Variants in WEE1 observed in about 807,000 individuals in gnomAD.
WEE1 encodes WEE1 G2 checkpoint kinase, also known as wee1-like protein kinase.
In WEE1, 16 loss-of-function variants were observed where a neutral mutation model predicts 68.8. The observed-to-expected ratio is 0.23, with a 90% CI of 0.16 to 0.35. WEE1 has a LOEUF of 0.35. Among genes scored for constraint, WEE1 ranks in the 10% least tolerant of loss-of-function variants. The pLI is 1.00. For synonymous variants in WEE1, 349 were observed against 318.7 expected (o/e 1.09, Z -1.01); for missense variants, 651 against 824.1 (o/e 0.79, Z 2.57).
At chr11:9,575,072 C>G in intron 1 of WEE1, 1 of 985,524 alleles carries the variant, frequency 1.0e-6, no homozygotes, top group Non-Finnish European at 1.2e-6. Context: ...CATTTACAGT[C>G]CTACAGACTC....
chr11:9,575,207 G>T (rs556642641), intron 1 of WEE1: 25 of 985,590 alleles, frequency 2.5e-5, no homozygotes, highest in Non-Finnish European at 2.9e-5. Context: ...ACATCCTACC[G>T]TAGATAAGGT....
At chr11:9,582,369 A>G (rs969174629) in intron 6 of WEE1, among the ~76,000 whole-genome samples, 1 of 152,036 alleles carries the variant, frequency 6.6e-6, no homozygotes, top group African/African-American at 2.4e-5. Context: ...TTTTTCTCCT[A>G]TATTTCCTAT....
Position 9,586,514 on chromosome 11 carries a change from T to C in WEE1, c.1536T>C (p.Gly512=). 1 of 1,614,146 alleles carries C rather than the reference T, an allele frequency of 6.2e-7. No homozygotes were observed. Among genetic ancestry groups the C allele is most frequent in the Non-Finnish European group, 8.5e-7 (1 of 1,180,002 alleles). Residue 512 remains glycine, a synonymous_variant, in exon 9 of 11, where the codon GGT becomes GGC. Coordinates refer to ENST00000450114, the MANE Select transcript of WEE1 (RefSeq NM_003390.4). ...ALALTVVCAA[G]AEPLPRNGDQ... ...CCCTCACAGTGGTATGTGCTGCTGG[T>C]GCTGAACCTCTTCCGAGAAATGGAG...
chr11:9,587,404 G>C, intron 10 of WEE1, among the ~76,000 whole-genome samples: 1 of 152,168 alleles, frequency 6.6e-6, no homozygotes, highest in Non-Finnish European at 1.5e-5. Context: ...TTTGCAAGTG[G>C]TGATAGTCCC....
intron 5 of WEE1, 66 bp downstream of exon 5, chr11:9,577,329 T>G: frequency 5.8e-6 from 9 of 1,553,858 alleles, no homozygotes; most frequent in Non-Finnish European, 7.9e-6. Context: ...TTTATGGTTA[T>G]CTAAAATCTT....
chr11:9,585,649 C>T (rs1330586489), intron 8 of WEE1, 122 bp downstream of exon 8: 6 of 839,674 alleles, frequency 7.1e-6, no homozygotes, highest in Non-Finnish European at 6.9e-6. Flanking sequence ...AAATCTAAAC[C>T]GTCATCTGAG....
chr11:9,586,373 A>G (rs1056972884), intron 8 of WEE1, 76 bp from the exon 9 acceptor site: 4 of 1,365,096 alleles, frequency 2.9e-6, no homozygotes, highest in Non-Finnish European at 4.0e-6. Flanking sequence ...TTTTCACCTA[A>G]GTCATCTTTG....
rs1296694734 is a variant in WEE1, at chr11:9,574,080, C to G, written c.147C>G (p.Thr49=). 2 of 1,235,552 alleles carry G rather than the reference C, an allele frequency of 1.6e-6. No homozygotes were observed. The highest frequency in any genetic ancestry group is 2.0e-6 in the Non-Finnish European group (2 of 988,470). 76.5% of individuals were successfully genotyped at this position (1,235,552 alleles called of 1,614,324 possible). ...EEEEEGSGHS[T]GEDSAFQEPD... is the part of the protein sequence containing the mutation. ...AGGAGGAGGGCAGCGGCCACAGCAC[C>G]GGGGAGGACTCGGCCTTTCAAGAGC... The change falls in exon 1 of 11, where the codon ACC becomes ACG. Residue 49 remains threonine, a synonymous_variant. Transcript: ENST00000450114. This position sits in a 1 kb window ranked among gnomAD's most constrained non-coding sequence, Gnocchi z 4.9.
At chr11:9,586,687 C>G (rs763368668) in intron 9 of WEE1, 24 bp from the exon 10 acceptor site, 4 of 1,610,556 alleles carry the variant, frequency 2.5e-6, no homozygotes, top group Non-Finnish European at 3.4e-6. Context: ...ATGTCTTTAC[C>G]TTCATTTTAC....
chr11:9,579,807 T>G (rs945618968), intron 5 of WEE1: 3 of 152,242 alleles, frequency 2.0e-5, no homozygotes, highest in Non-Finnish European at 4.4e-5. Flanking sequence ...AAGACTAAGA[T>G]ACCGAGATGT....
chr11:9,577,126 C>T lies in WEE1; in HGVS notation c.1020-16C>T. 3 of 1,591,944 alleles carry T rather than the reference C, an allele frequency of 1.9e-6. No homozygotes were observed. Among genetic ancestry groups the T allele is most frequent in the Middle Eastern group, 1.7e-4 (1 of 5,972 alleles). ...GAAAATTATTTACCATTCTATTAAT[C>T]TCAAATTTCTTCTAGGCAGAACGCT... On this transcript the variant is annotated splice_polypyrimidine_tract_variant and intron_variant, in intron 4 of 10. Transcript: ENST00000450114.
Position 9,576,443 on chromosome 11 carries a change from T to C in WEE1, c.847-44T>C, listed in dbSNP as rs748848678. On this transcript the variant is annotated intron_variant, in intron 3 of 10. Transcript: ENST00000450114. This position sits in a 1 kb window ranked among gnomAD's most constrained non-coding sequence, Gnocchi z 4.3. ...ATCACCATAGCAAGAAATAACTGTTTTCGTATATTTGTATTACATATATGG... is the reference window on the plus strand; with the variant it reads ...ATCACCATAGCAAGAAATAACTGTTCTCGTATATTTGTATTACATATATGG... The C allele has an allele frequency of 5.0e-6, 8 of 1,588,800 alleles. No homozygotes were observed. In the African/African-American group the frequency reaches 9.5e-5, roughly 19 times the overall value.
At chr11:9,586,243 T>C (rs989701377) in intron 8 of WEE1, among the ~76,000 whole-genome samples, 1 of 152,186 alleles carries the variant, frequency 6.6e-6, no homozygotes, top group African/African-American at 2.4e-5. Context: ...TTTGCATTTT[T>C]CCCCCAAGAG....
In WEE1 at chr11:9,589,796, T is replaced by C. The variant is rs921309979; in HGVS notation, c.*1194T>C. 12 of 781,644 alleles carry C rather than the reference T, an allele frequency of 1.5e-5. No individual in the cohort carries two copies. The South Asian group carries it at 6.4e-4, about 42-fold the overall frequency. The allele number at this position is 781,644 out of a possible 1,614,324, so 48.4% of individuals were successfully genotyped here. A position where few individuals can be genotyped will look rare whatever the true frequency, so the allele number is the denominator to read the frequency against. ...TTGTGATGCCTGTTTTCTAATATTT[T>C]ATCTCTATTATTGCTATACTATAAA... is the stretch of plus-strand genomic sequence containing the variant. On this transcript the variant is annotated 3_prime_UTR_variant, in exon 11 of 11. Transcript: ENST00000450114.
intron 6 of WEE1, among the ~76,000 whole-genome samples, chr11:9,583,759 GCGCACACA>G (rs1275665287): frequency 0.021 from 880 of 41,178 alleles, 21 homozygotes; most frequent in South Asian, 0.046. Flanking sequence ...GTGCACGCGC[GCGCACACA>G]CACACACACA....
At chr11:9,583,800 C>CATAT (rs1422896964) in intron 6 of WEE1, among the ~76,000 whole-genome samples, 15 of 18,158 alleles carry the variant, frequency 8.3e-4, no homozygotes, top group Admixed American at 1.5e-3. Flanking sequence ...CACACACACA[C>CATAT]ACATATATAT....
At chr11:9,583,755 GCGCGCGCACACACACACA>G (rs1459518011) in intron 6 of WEE1, among the ~76,000 whole-genome samples, 3 of 8,750 alleles carry the variant, frequency 3.4e-4, no homozygotes, top group Admixed American at 1.1e-3. Context: ...GTGCGTGCAC[GCGCGCGCACACACACACA>G]CACACACACA....
At chr11:9,581,246 A>C (rs777314531) in intron 5 of WEE1, 29 of 279,334 alleles carry the variant, frequency 1.0e-4, no homozygotes, top group Non-Finnish European at 1.6e-4. Context: ...AACAAACAAA[A>C]AAAAAGCCAA....
In WEE1 at chr11:9,574,645, G is replaced by T; in HGVS notation, c.576+136G>T. ...CCTGCGCCGCCCCCCAAAGTTGGCA[G>T]CCCTTGTGTTTGGCCCTGCCCCGAG... On this transcript the variant is annotated intron_variant, in intron 1 of 10. Coordinates refer to ENST00000450114, the MANE Select transcript of WEE1 (RefSeq NM_003390.4). This position sits in a 1 kb window ranked among gnomAD's most constrained non-coding sequence, Gnocchi z 4.9. The T allele has an allele frequency of 5.4e-6, 6 of 1,117,624 alleles. No individual in the cohort carries two copies. Among genetic ancestry groups the T allele is most frequent in the Non-Finnish European group, 6.5e-6 (6 of 916,252 alleles). The allele number at this position is 1,117,624 out of a possible 1,614,324, so 69.2% of individuals were successfully genotyped here. A position where few individuals can be genotyped will look rare whatever the true frequency, so the allele number is the denominator to read the frequency against.
Sources: gnomAD v4.1 joint callset for allele counts (sites outside exome capture counted in the v4.1 genomes callset) on GRCh38, gnomAD v4.1.1 for gene constraint, Gnocchi (gnomAD v3.1) non-coding constraint, MANE v1.5 for transcripts, NCBI Gene and HGNC (gene_info 2026-07-23, HGNC 2026-07-21) for gene names.